ITPA: variants seen among roughly 807,000 people sequenced by gnomAD.
The protein encoded by ITPA is inosine triphosphatase, also known as inosine triphosphate pyrophosphatase.
In ITPA, 29 loss-of-function variants were observed where a neutral mutation model predicts 29.6. The ratio of observed to expected loss-of-function variants is 0.98; its 90% CI spans 0.73 to 1.34. The LOEUF is 1.34. Ranked by LOEUF, ITPA falls within the 40% of genes most tolerant of loss-of-function variation. The pLI is 0.00. For missense variants in ITPA, 241 were observed against 251.5 expected (o/e 0.96, Z 0.28); for synonymous variants, 103 against 99.3 (o/e 1.04, Z -0.22).
intron 5 of ITPA, among the ~76,000 whole-genome samples, chr20:3,217,886 C>G (rs2067344096): frequency 6.6e-6 from 1 of 151,354 alleles, no homozygotes; most frequent in Non-Finnish European, 1.5e-5. Flanking sequence ...GTGCCTATTA[C>G]AGTTGGTTAG....
At chr20:3,226,116 TG>T, downstream of ITPA, among the ~76,000 whole-genome samples, 1 of 152,300 alleles carries the variant, frequency 6.6e-6, no homozygotes, top group South Asian at 2.1e-4. This position sits in a 1 kb window ranked among gnomAD's most constrained non-coding sequence, Gnocchi z 4.4. Flanking sequence ...AGAGGAGTCG[TG>T]GGAACCCCAA....
chr20:3,224,575 TG>T (rs2067537847), downstream of ITPA, among the ~76,000 whole-genome samples: 2 of 152,224 alleles, frequency 1.3e-5, no homozygotes, highest in Admixed American at 1.3e-4. Flanking sequence ...AAGCCCCGGC[TG>T]GGTTAAATCC....
At chr20:3,224,639 G>A (rs560858115), downstream of ITPA, among the ~76,000 whole-genome samples, 1 of 152,344 alleles carries the variant, frequency 6.6e-6, no homozygotes, top group Admixed American at 6.5e-5. Context: ...GTGGGTGGGA[G>A]ATGTCTGGCT....
rs754679463 is a variant in ITPA, at chr20:3,218,499, C to T, written c.296-18C>T. 47 of 1,587,864 alleles carry T rather than the reference C, an allele frequency of 3.0e-5. No individual in the cohort carries two copies. The highest frequency in any genetic ancestry group is 1.2e-4 in the Admixed American group (7 of 59,946). Reference sequence around the variant, plus strand: ...TTGGCCATTAGGGATGCACTGAGCCCTCACTGCCCACCCGCAGGTCTCCAC... The same window carrying T: ...TTGGCCATTAGGGATGCACTGAGCCTTCACTGCCCACCCGCAGGTCTCCAC... On this transcript the variant is annotated intron_variant, in intron 5 of 7. Coordinates refer to ENST00000380113, the MANE Select transcript of ITPA (RefSeq NM_033453.4).
chr20:3,213,613 A>C (rs2067223846), intron 3 of ITPA, among the ~76,000 whole-genome samples: 1 of 151,352 alleles, frequency 6.6e-6, no homozygotes, highest in Admixed American at 6.6e-5. Flanking sequence ...GTACACACAG[A>C]CTCCCCTTCC....
chr20:3,217,650 G>A (rs1386956040), intron 5 of ITPA, among the ~76,000 whole-genome samples: 2 of 151,866 alleles, frequency 1.3e-5, no homozygotes, highest in Non-Finnish European at 2.9e-5. Context: ...TGTGTTTTTT[G>A]TAGAGGTGAG....
intron 6 of ITPA, among the ~76,000 whole-genome samples, chr20:3,220,286 G>A (rs1244551810): frequency 1.3e-5 from 2 of 151,878 alleles, no homozygotes; most frequent in Non-Finnish European, 1.5e-5. Flanking sequence ...TTGAACTCCC[G>A]ACCTTAAGTG....
upstream of ITPA, chr20:3,204,606 A>G (rs1438738490): frequency 6.3e-7 from 1 of 1,590,160 alleles, no homozygotes; most frequent in African/African-American, 1.3e-5. Context: ...GCCGCTACCA[A>G]GTACCACACA....
At chr20:3,207,972 G>A (rs2067092230), upstream of ITPA, among the ~76,000 whole-genome samples, 1 of 144,748 alleles carries the variant, frequency 6.9e-6, no homozygotes, top group South Asian at 2.2e-4. Context: ...TCCAGGCCAG[G>A]TGACTAGAGC....
At chr20:3,224,571 C>T (rs560207788), downstream of ITPA, among the ~76,000 whole-genome samples, 7 of 152,336 alleles carry the variant, frequency 4.6e-5, no homozygotes, top group African/African-American at 9.6e-5. Context: ...CTGCAAGCCC[C>T]GGCTGGGTTA....
At chr20:3,208,309 G>A (rs766625788), upstream of ITPA, among the ~76,000 whole-genome samples, 8 of 152,060 alleles carry the variant, frequency 5.3e-5, no homozygotes, top group Non-Finnish European at 1.0e-4. Flanking sequence ...TAGGGACTCT[G>A]CATAATGGTT....
chr20:3,227,434 G>A (rs548367489), downstream of ITPA: 1 of 314,694 alleles, frequency 3.2e-6, no homozygotes, highest in African/African-American at 2.1e-5. Flanking sequence ...CTAGAAACAG[G>A]AGCTTTATTC....
chr20:3,208,495 G>C (rs905067038), upstream of ITPA, among the ~76,000 whole-genome samples: 4 of 152,138 alleles, frequency 2.6e-5, no homozygotes, highest in East Asian at 7.7e-4. Flanking sequence ...CCTGAATCCT[G>C]AATTCTCTGA....
At chr20:3,207,350 T>C (rs1476280836), upstream of ITPA, among the ~76,000 whole-genome samples, 1 of 152,110 alleles carries the variant, frequency 6.6e-6, no homozygotes, top group Non-Finnish European at 1.5e-5. Flanking sequence ...CCCAAGCTAG[T>C]TATCTTACAT....
At chr20:3,213,556 C>T (rs1244017305) in intron 3 of ITPA, 173 bp downstream of exon 3, 1 of 740,760 alleles carries the variant, frequency 1.3e-6, no homozygotes, top group South Asian at 1.6e-5. Context: ...CCTTTGCCAG[C>T]CTTGAATACA....
chr20:3,223,295 A>G, intron 7 of ITPA, 71 bp from the exon 8 acceptor site: 1 of 1,101,064 alleles, frequency 9.1e-7, no homozygotes, highest in Non-Finnish European at 1.4e-6. Context: ...GGATGAGATG[A>G]GGTAGGGTTG....
At chr20:3,220,178 CT>C (rs2067427091) in intron 6 of ITPA, among the ~76,000 whole-genome samples, 1 of 152,202 alleles carries the variant, frequency 6.6e-6, no homozygotes, top group African/African-American at 2.4e-5. Flanking sequence ...ATCTCCCACC[CT>C]GGAGAGTAAC....
At chr20:3,211,693 A>T (rs2067178215) in intron 1 of ITPA, among the ~76,000 whole-genome samples, 1 of 152,036 alleles carries the variant, frequency 6.6e-6, no homozygotes, top group Non-Finnish European at 1.5e-5. Flanking sequence ...GGGTTTCTCC[A>T]TGTTGGTCAG....
chr20:3,213,429 A>T lies in ITPA; in HGVS notation c.189+46A>T, dbSNP rs1043864593. The T allele has an allele frequency of 5.6e-6, 9 of 1,611,648 alleles. No individual in the cohort carries two copies. In the Admixed American group the frequency reaches 6.7e-5, roughly 12 times the overall value. ...CCACACTTGCTCTTCTTGTCCAGGT[A>T]GCTTCCAGGGCCTGCGCCTGCTAGA... On this transcript the variant is annotated intron_variant, in intron 3 of 7. Transcript: ENST00000380113.
Sources: gnomAD v4.1 joint callset for allele counts (sites outside exome capture counted in the v4.1 genomes callset) on GRCh38, gnomAD v4.1.1 for gene constraint, Gnocchi (gnomAD v3.1) non-coding constraint, MANE v1.5 for transcripts, NCBI Gene and HGNC (gene_info 2026-07-23, HGNC 2026-07-21) for gene names.